CDYL: variants seen among roughly 807,000 people sequenced by gnomAD.
The protein encoded by CDYL is chromodomain Y like.
A neutral mutation model predicts 47.3 loss-of-function variants in CDYL; 8 were observed. The ratio of observed to expected loss-of-function variants is 0.17; its 90% confidence interval spans 0.10 to 0.31. The LOEUF (loss-of-function observed/expected upper bound fraction) is 0.31, where lower values mean the gene tolerates loss of function less well. Among genes scored for constraint, CDYL ranks in the 10% least tolerant of loss-of-function variants. The probability of loss-of-function intolerance (pLI) is 1.00; values close to 1 mark genes in which losing one functional copy is unlikely to be tolerated. For missense variants in CDYL, 471 were observed against 701.4 expected, an observed-to-expected ratio of 0.67 and a Z score of 3.71; for synonymous variants, 266 against 265.0, an observed-to-expected ratio of 1.00 and a Z score of -0.04.
chr6:4,723,981 G>A (rs1159941228), intron 2 of CDYL, among the ~76,000 whole-genome samples: 2 of 152,156 alleles, frequency 1.3e-5, no homozygotes, highest in African/African-American at 2.4e-5. Flanking sequence ...TTATGTATCC[G>A]TGAAATTATT....
chr6:4,727,056 CTTTG>C (rs1757527169), intron 2 of CDYL, among the ~76,000 whole-genome samples: 1 of 152,134 alleles, frequency 6.6e-6, no homozygotes, highest in Non-Finnish European at 1.5e-5. Context: ...GTTTTAGTCA[CTTTG>C]TTTAACAATG....
At chr6:4,838,602 G>A (rs1332869704) in intron 1 of CDYL, among the ~76,000 whole-genome samples, 1 of 152,146 alleles carries the variant, frequency 6.6e-6, no homozygotes, top group South Asian at 2.1e-4. Context: ...ATATAAACGT[G>A]TGTGCAAGTG....
intron 3 of CDYL, among the ~76,000 whole-genome samples, chr6:4,752,946 C>T (rs1758020567): frequency 1.3e-5 from 2 of 151,810 alleles, no homozygotes; most frequent in African/African-American, 4.8e-5. Context: ...AAGACAGCAT[C>T]TCACTCTGTC....
In CDYL at chr6:4,839,701, T is replaced by C. The variant is rs147676328; in HGVS notation, c.25-52012T>C. Reference sequence around the variant, plus strand: ...GTCCTTTCCCCACTTTATCTTTTTGTTTGCTTTGTTGAAGATCAGTTGGCT... The same window carrying C: ...GTCCTTTCCCCACTTTATCTTTTTGCTTGCTTTGTTGAAGATCAGTTGGCT... On this transcript the variant is annotated intron_variant, in intron 1 of 6. Transcript: ENST00000397588. Among the ~76,000 whole-genome samples the C allele has an allele frequency of 7.2e-3, 1,092 of 152,342 alleles. 13 individuals are homozygous for C. The highest frequency in any genetic ancestry group is 0.025 in the African/African-American group (1,058 of 41,576).
chr6:4,800,028 A>G (rs937352673), intron 1 of CDYL, among the ~76,000 whole-genome samples: 1 of 152,020 alleles, frequency 6.6e-6, no homozygotes, highest in African/African-American at 2.4e-5. Flanking sequence ...TGTTACTTTT[A>G]GTTTGTTTCT....
At chr6:4,783,723 CTG>C (rs1431053674) in intron 1 of CDYL, among the ~76,000 whole-genome samples, 5 of 152,282 alleles carry the variant, frequency 3.3e-5, no homozygotes, top group African/African-American at 1.2e-4. Flanking sequence ...CTGGCCAAGA[CTG>C]TTGTCAGCAT....
At chr6:4,836,797 G>GT (rs2127456791) in intron 1 of CDYL, among the ~76,000 whole-genome samples, 1 of 152,354 alleles carries the variant, frequency 6.6e-6, no homozygotes, top group Admixed American at 6.5e-5. Flanking sequence ...AGGAAGGGCA[G>GT]TGAGTACATT....
At position 4,892,239 on chromosome 6, in the gene CDYL, A is replaced by G. The variant is rs1332916350; in HGVS notation, c.551A>G (p.Glu184Gly). 1 of 1,614,202 alleles carries G rather than the reference A, an allele frequency of 6.2e-7. No individual in the cohort carries two copies. Among genetic ancestry groups the G allele is most frequent in the Non-Finnish European group, 8.5e-7 (1 of 1,180,034 alleles). The change falls in exon 2 of 7, where the codon GAA becomes GGA. Residue 184 changes from glutamate (E) to glycine (G), a missense_variant. This residue lies in a region of CDYL where 311 missense variants were observed against 350.0 expected (regional missense o/e 0.89). Coordinates refer to ENST00000397588, the MANE Select transcript of CDYL (RefSeq NM_004824.4). The stretch of plus-strand genomic sequence containing the variant: ...ACAGTGGCACCCGAAGTGGCAGCGG[A>G]AAAGCCGGTCGGAGCTTTATTGGGC... Reference protein sequence around the residue: ...EDTVAPEVAAEKPVGALLGPG... With the variant: ...EDTVAPEVAAGKPVGALLGPG...
At chr6:4,789,364 G>C (rs61693649) in intron 1 of CDYL, among the ~76,000 whole-genome samples, 1 of 152,102 alleles carries the variant, frequency 6.6e-6, no homozygotes, top group East Asian at 1.9e-4. Context: ...GTGACCTGCC[G>C]CGCCTGGCTG....
At chr6:4,760,611 G>C (rs1758160374) in intron 3 of CDYL, among the ~76,000 whole-genome samples, 1 of 152,124 alleles carries the variant, frequency 6.6e-6, no homozygotes, top group Admixed American at 6.5e-5. Context: ...CCATGAATTT[G>C]TTGCCTAGAA....
At chr6:4,744,175 C>T (rs908109629) in intron 3 of CDYL, among the ~76,000 whole-genome samples, 2 of 152,068 alleles carry the variant, frequency 1.3e-5, no homozygotes, top group African/African-American at 4.8e-5. Context: ...TCAGTGGGGC[C>T]CACCAGTCCA....
chr6:4,825,344 C>A (rs1759951770), intron 1 of CDYL, among the ~76,000 whole-genome samples: 1 of 151,988 alleles, frequency 6.6e-6, no homozygotes, highest in Non-Finnish European at 1.5e-5. Flanking sequence ...AGGATCGTGT[C>A]CTATATATAG....
At chr6:4,950,805 G>A (rs1388894062) in intron 5 of CDYL, among the ~76,000 whole-genome samples, 7 of 151,964 alleles carry the variant, frequency 4.6e-5, no homozygotes, top group South Asian at 2.1e-4. Context: ...GGTGGCGGGC[G>A]CCTGTAGTCC....
chr6:4,862,581 T>C (rs952222296), intron 1 of CDYL, among the ~76,000 whole-genome samples: 2 of 152,232 alleles, frequency 1.3e-5, no homozygotes, highest in African/African-American at 4.8e-5. Flanking sequence ...CAAAGCTCCC[T>C]ACCTTTGGGG....
chr6:4,726,494 T>G (rs1455478010), intron 2 of CDYL, among the ~76,000 whole-genome samples: 1 of 146,452 alleles, frequency 6.8e-6, no homozygotes, highest in Non-Finnish European at 1.5e-5. Flanking sequence ...ATCGCACCAT[T>G]GCACTCCAGC....
intron 1 of CDYL, among the ~76,000 whole-genome samples, chr6:4,798,524 G>C (rs546659259): frequency 2.4e-4 from 36 of 152,310 alleles, no homozygotes; most frequent in African/African-American, 8.7e-4. Context: ...GTGGGTCTAA[G>C]AGTAGATATG....
chr6:4,848,579 A>T (rs1372519954), intron 1 of CDYL, among the ~76,000 whole-genome samples: 3 of 152,266 alleles, frequency 2.0e-5, no homozygotes, highest in Non-Finnish European at 4.4e-5. Flanking sequence ...TCTGCACTGC[A>T]TCACAGCTGA....
At chr6:4,841,377 T>C (rs960563462) in intron 1 of CDYL, among the ~76,000 whole-genome samples, 4 of 152,180 alleles carry the variant, frequency 2.6e-5, no homozygotes, top group African/African-American at 9.7e-5. Context: ...TTGTATTTAT[T>C]TTTTGTTGGA....
chr6:4,856,027 A>G (rs1581215415), intron 1 of CDYL, among the ~76,000 whole-genome samples: 2 of 152,218 alleles, frequency 1.3e-5, no homozygotes, highest in Admixed American at 1.3e-4. Flanking sequence ...CTGACACATT[A>G]AAAGTGTTAT....
Sources: gnomAD v4.1 joint callset for allele counts (sites outside exome capture counted in the v4.1 genomes callset) on GRCh38, gnomAD v4.1.1 for gene constraint, gnomAD v4.1.1 regional missense constraint, MANE v1.5 for transcripts, NCBI Gene and HGNC (gene_info 2026-07-23, HGNC 2026-07-21) for gene names.